Variants in ABCB6 observed in about 807,000 individuals in gnomAD.
ABCB6 encodes ATP-binding cassette sub-family B member 6.
Under a neutral mutation model 99.4 loss-of-function variants are expected in ABCB6, and 87 were observed. The ratio of observed to expected loss-of-function variants is 0.88; its 90% CI spans 0.74 to 1.05. The LOEUF (loss-of-function observed/expected upper bound fraction) is 1.05, where lower values mean the gene tolerates loss of function less well. Among genes scored for constraint, ABCB6 ranks in the 50% least tolerant of loss-of-function variants. The pLI is 0.00. For synonymous variants in ABCB6, 482 were observed against 447.5 expected, an observed-to-expected ratio of 1.08 and a Z score of -0.97; for missense variants, 1,050 against 1,097.9, an observed-to-expected ratio of 0.96 and a Z score of 0.62.
chr2:219,213,603 C>T lies in ABCB6; in HGVS notation c.1642G>A (p.Gly548Ser). 6.2e-7 allele frequency: 1 copy of T among 1,614,192 alleles called. No homozygotes were observed. The highest frequency in any genetic ancestry group is 8.5e-7 in the Non-Finnish European group (1 of 1,180,042). The change falls in exon 10 of 19, where the codon GGC becomes AGC. Residue 548 changes from glycine (G) to serine (S), a missense_variant. By Grantham distance (56) the Gly-to-Ser change is moderately conservative. Transcript: ENST00000265316. ...IQLYMPLNWF[G>S]TYYRMIQTNF... ...GGCTCAGATTACCTGTAGTAGGTGC[C>T]AAACCAATTGAGGGGCATGTACAGC...
chr2:219,212,960 T>G, intron 13 of ABCB6, 48 bp downstream of exon 13: 48 of 1,596,038 alleles, frequency 3.0e-5, no homozygotes, highest in Non-Finnish European at 3.7e-5. Context: ...GGGCACTGAA[T>G]GAGGGAAGCT....
intron 2 of ABCB6, among the ~76,000 whole-genome samples, chr2:219,217,184 C>T (rs774665950): frequency 1.7e-4 from 26 of 151,914 alleles, no homozygotes; most frequent in Non-Finnish European, 3.7e-4. Flanking sequence ...CATGGTGAAA[C>T]CCCATCTCCA....
In ABCB6 at chr2:219,218,349, G is replaced by A; in HGVS notation, c.325C>T (p.Leu109=). ...GCCAGACTCTCCAGCACGGAGGCCA[G>A]AAGTAGATAGCTTGGCAGTGGGGCC... is the stretch of plus-strand genomic sequence containing the variant. ...RGAPLPSYLL[L]ASVLESLAGA... is the part of the protein sequence containing the mutation. Residue 109 remains leucine (L), a synonymous_variant, in exon 1 of 19, where the codon CTG becomes TTG. Transcript: ENST00000265316. 2 of 1,613,100 alleles carry A rather than the reference G, an allele frequency of 1.2e-6. No homozygotes were observed. The highest frequency in any genetic ancestry group is 8.5e-7 in the Non-Finnish European group (1 of 1,180,004).
chr2:219,212,531 CT>C (rs754294584), intron 13 of ABCB6, 40 bp from the exon 14 acceptor site: 527 of 1,523,702 alleles, frequency 3.5e-4, no homozygotes, highest in Non-Finnish European at 3.7e-4. Context: ...GGCCCACTGG[CT>C]TTTTTTTTGA....
intron 13 of ABCB6, 109 bp from the exon 14 acceptor site, chr2:219,212,600 A>G: frequency 2.5e-6 from 2 of 795,644 alleles, no homozygotes; most frequent in Non-Finnish European, 4.1e-6. Flanking sequence ...TCAGCTCACT[A>G]GAACCTCTGC....
Position 219,210,271 on chromosome 2 carries a change from C to G in ABCB6, c.2379G>C (p.Gln793His), listed in dbSNP as rs1950559506. The G allele has an allele frequency of 6.2e-7, 1 of 1,614,204 alleles. No homozygotes were observed. Among genetic ancestry groups the G allele is most frequent in the South Asian group, 1.1e-5 (1 of 91,086 alleles). Reference sequence around the variant, plus strand: ...TGCAGCCATCCTTGATGACGAGGATCTGGTCAGCATTGACCACAGTTGAGA... The same window carrying G: ...TGCAGCCATCCTTGATGACGAGGATGTGGTCAGCATTGACCACAGTTGAGA... The part of the protein sequence containing the change: ...HRLSTVVNAD[Q>H]ILVIKDGCIV... Residue 793 changes from glutamine (Q) to histidine (H), a missense_variant, in exon 18 of 19, where the codon CAG becomes CAC. Gln to His is a conservative substitution (Grantham distance 24, BLOSUM62 0). Transcript: ENST00000265316.
intron 5 of ABCB6, 66 bp downstream of exon 5, chr2:219,215,931 C>G: frequency 2.8e-6 from 4 of 1,446,012 alleles, no homozygotes; most frequent in Non-Finnish European, 3.7e-6. Flanking sequence ...TCTCTTCCTC[C>G]CACGGGCCCC....
chr2:219,212,613 C>G (rs1046589281), intron 13 of ABCB6, 122 bp from the exon 14 acceptor site: 1 of 736,336 alleles, frequency 1.4e-6, no homozygotes, highest in East Asian at 2.7e-5. Flanking sequence ...ACCTCTGCCT[C>G]CCAGGTTCAA....
rs1950682983 is a variant in ABCB6 at position 219,218,717 on chromosome 2, C to CGGAGGCCGGGACT, written c.-57_-45dup. On this transcript the variant is annotated 5_prime_UTR_variant, in exon 1 of 19. Transcript: ENST00000265316. ...GCCGAGGCTGCGGGCACTGCGGGAC[C>CGGAGGCCGGGACT]GGAGGCCGGGACTGGTCACTCGGAG... 1 of 1,502,052 alleles carries CGGAGGCCGGGACT rather than the reference C, an allele frequency of 6.7e-7. No individual in the cohort carries two copies. The allele number at this position is 1,502,052 out of a possible 1,614,324, so 93.0% of individuals were successfully genotyped here.
chr2:219,218,474 C>T lies in ABCB6; in HGVS notation c.200G>A (p.Gly67Asp), dbSNP rs1351620534. Reference sequence around the variant, plus strand: ...CAGCACGTAGGGAGAGATGCGAGGGCCGGCCCCCCAAGACAGCGAATCAGC... The same window carrying T: ...CAGCACGTAGGGAGAGATGCGAGGGTCGGCCCCCCAAGACAGCGAATCAGC... ...AGADSLSWGA[G>D]PRISPYVLQL... Residue 67 changes from glycine (G) to aspartate (D), a missense_variant, in exon 1 of 19, where the codon GGC becomes GAC. By Grantham distance (94) the Gly-to-Asp change is moderately conservative. Coordinates refer to ENST00000265316, the MANE Select transcript of ABCB6 (RefSeq NM_005689.4). The T allele has an allele frequency of 1.9e-6, 3 of 1,607,544 alleles. No homozygotes were observed. The highest frequency in any genetic ancestry group is 2.2e-5 in the East Asian group (1 of 44,710).
chr2:219,210,892 A>C (rs1303138410), intron 15 of ABCB6, 42 bp downstream of exon 15: 4 of 1,613,564 alleles, frequency 2.5e-6, no homozygotes, highest in South Asian at 2.2e-5. Flanking sequence ...TAGCAGGACA[A>C]CACCAGGAGG....
Position 219,216,949 on chromosome 2 carries a change from T to C in ABCB6, c.688-117A>G. 1.2e-6 allele frequency: 1 copy of C among 850,162 alleles called. No homozygotes were observed. Among genetic ancestry groups the C allele is most frequent in the Non-Finnish European group, 1.8e-6 (1 of 568,596 alleles). The allele number at this position is 850,162 out of a possible 1,614,324, so 52.7% of individuals were successfully genotyped here. A position where few individuals can be genotyped will look rare whatever the true frequency, so the allele number is the denominator to read the frequency against. ...CTCCCAGGTATCTCAGACCCACAAG[T>C]GATCCTTGATGGGGTCAGAAAAACT... On this transcript the variant is annotated intron_variant, in intron 2 of 18. Transcript: ENST00000265316. This position sits in a 1 kb window ranked among gnomAD's most constrained non-coding sequence, Gnocchi z 4.2.
At chr2:219,215,147 G>C (rs1950624055) in intron 5 of ABCB6, 65 bp from the exon 6 acceptor site, 1 of 1,600,470 alleles carries the variant, frequency 6.2e-7, no homozygotes, top group African/African-American at 1.3e-5. Context: ...CCTGCCTCTA[G>C]GCATTTCAGG....
Position 219,209,809 on chromosome 2 carries a change from C to T in ABCB6, c.*129G>A, listed in dbSNP as rs756974513. The T allele has an allele frequency of 2.6e-5, 20 of 761,842 alleles. No individual in the cohort carries two copies. Among genetic ancestry groups the T allele is most frequent in the South Asian group, 4.8e-5 (3 of 62,248 alleles). The allele number at this position is 761,842 out of a possible 1,614,324, so 47.2% of individuals were successfully genotyped here. On this transcript the variant is annotated 3_prime_UTR_variant, in exon 19 of 19. Transcript: ENST00000265316. ...TTTTATTTCCCCAAAAGATGTTTTT[C>T]GGAAAGGTCCCTTTCCCTTACCATA...
At chr2:219,210,113 C>T (rs1189404950) in intron 18 of ABCB6, 67 bp from the exon 19 acceptor site, 2 of 1,599,474 alleles carry the variant, frequency 1.3e-6, no homozygotes, top group Non-Finnish European at 1.7e-6. Flanking sequence ...GCCACCAGCC[C>T]ACAGAGAGGA....
At chr2:219,214,684 G>A (rs1158828910) in intron 6 of ABCB6, 186 bp from the exon 7 acceptor site, 2 of 630,638 alleles carry the variant, frequency 3.2e-6, no homozygotes, top group Non-Finnish European at 5.5e-6. Context: ...TTTGGTAAAT[G>A]AAAGCAAGCT....
At chr2:219,210,912 T>A in intron 15 of ABCB6, 22 bp downstream of exon 15, 1 of 1,613,914 alleles carries the variant, frequency 6.2e-7, no homozygotes, top group Admixed American at 1.7e-5. Context: ...GGGAGGGGAC[T>A]CTCTGCAAAG....
At chr2:219,217,420 C>T (rs1468062891) in intron 2 of ABCB6, among the ~76,000 whole-genome samples, 2 of 151,850 alleles carry the variant, frequency 1.3e-5, no homozygotes, top group East Asian at 1.9e-4. Context: ...CTGAGGCAGG[C>T]GGATCACGAG....
rs559272849 is a variant in ABCB6, at chr2:219,212,435, G to A, written c.1920C>T (p.Tyr640=). The A allele has an allele frequency of 1.4e-5, 22 of 1,614,122 alleles. No individual in the cohort carries two copies. The East Asian group carries it at 2.0e-4, about 15-fold the overall frequency. ...STILRLLFRF[Y]DISSGCIRID... ...TTCGGATGCAGCCAGAGCTGATGTC[G>A]TAGAAGCGAAACAGCAGGCGCAAAA... Residue 640 remains tyrosine (Y), a synonymous_variant, in exon 14 of 19, where the codon TAC becomes TAT. Coordinates refer to ENST00000265316, the MANE Select transcript of ABCB6 (RefSeq NM_005689.4).
Sources: gnomAD v4.1 joint callset for allele counts (sites outside exome capture counted in the v4.1 genomes callset) on GRCh38, gnomAD v4.1.1 for gene constraint, Gnocchi (gnomAD v3.1) non-coding constraint, MANE v1.5 for transcripts, NCBI Gene and HGNC (gene_info 2026-07-23, HGNC 2026-07-21) for gene names.